Variants in SLC22A25 observed in about 807,000 individuals in gnomAD.
SLC22A25 encodes MGI:2442751, MGI:2385316, MGI:3042283, MGI:3645714, MGI:3605624, MGI:2442750.
Under a neutral mutation model 45.9 loss-of-function variants are expected in SLC22A25, and 44 were observed. The observed-to-expected ratio is 0.96, with a 90% CI of 0.75 to 1.23. SLC22A25 has a LOEUF of 1.23. Ranked by LOEUF, SLC22A25 falls within the 50% of genes most tolerant of loss-of-function variation. SLC22A25 has a pLI of 0.00. For missense variants in SLC22A25, 800 were observed against 666.4 expected (o/e 1.20, Z -2.21); for synonymous variants, 283 against 238.6 (o/e 1.19, Z -1.72).
intron 7 of SLC22A25, among the ~76,000 whole-genome samples, chr11:63,189,632 C>T (rs1046813734): frequency 6.6e-6 from 1 of 152,142 alleles, no homozygotes; most frequent in Non-Finnish European, 1.5e-5. Context: ...GCAGTTTCTT[C>T]CTAGCATCGA....
intron 9 of SLC22A25, among the ~76,000 whole-genome samples, chr11:63,174,925 A>G (rs1426425703): frequency 6.6e-6 from 1 of 152,102 alleles, no homozygotes; most frequent in African/African-American, 2.4e-5. Flanking sequence ...AACTTAGCAT[A>G]ATGTCCTCAA....
Position 63,229,522 on chromosome 11 carries a change from A to G in SLC22A25, c.131T>C (p.Ile44Thr), listed in dbSNP as rs2090029772. 1 of 1,614,132 alleles carries G rather than the reference A, an allele frequency of 6.2e-7. No homozygotes were observed. The highest frequency in any genetic ancestry group is 8.5e-7 in the Non-Finnish European group (1 of 1,179,998). Residue 44 changes from isoleucine (I) to threonine (T), a missense_variant, in exon 4 of 12, where the codon ATA becomes ACA. Transcript: ENST00000306494. ...ATGAACCCAGCAGCGATGATCAAGTATGAATGCTGCGAAGTTCTCCAGCTG... is the reference window on the plus strand; with the variant it reads ...ATGAACCCAGCAGCGATGATCAAGTGTGAATGCTGCGAAGTTCTCCAGCTG... ...QTQLENFAAF[I>T]LDHRCWVHIL...
intron 7 of SLC22A25, among the ~76,000 whole-genome samples, chr11:63,204,648 C>G (rs371510477): frequency 4.1e-4 from 62 of 152,270 alleles, no homozygotes; most frequent in Admixed American, 1.3e-3. Context: ...CAGGAGCACC[C>G]ACATTCATAA....
At chr11:63,240,926 G>T (rs753292825) in intron 1 of SLC22A25, among the ~76,000 whole-genome samples, 1 of 152,120 alleles carries the variant, frequency 6.6e-6, no homozygotes, top group Non-Finnish European at 1.5e-5. Context: ...TTCCAAACAA[G>T]CCAGCACAAA....
At chr11:63,178,043 T>A (rs1226409647) in intron 9 of SLC22A25, among the ~76,000 whole-genome samples, 1 of 87,280 alleles carries the variant, frequency 1.1e-5, no homozygotes. Context: ...GCCTGGCTAA[T>A]TTTTTGTATT....
At chr11:63,232,631 C>A (rs1392760618) in intron 3 of SLC22A25, among the ~76,000 whole-genome samples, 12 of 152,140 alleles carry the variant, frequency 7.9e-5, no homozygotes. Context: ...TTATTCCCTT[C>A]TCCTGCCTGA....
chr11:63,242,798 C>G (rs541547607), intron 1 of SLC22A25, among the ~76,000 whole-genome samples: 16 of 152,292 alleles, frequency 1.1e-4, no homozygotes, highest in Non-Finnish European at 2.1e-4. Context: ...GGCCCCAACC[C>G]AAATAAGGTT....
At chr11:63,187,102 G>A (rs1439373109) in intron 7 of SLC22A25, among the ~76,000 whole-genome samples, 2 of 152,132 alleles carry the variant, frequency 1.3e-5, no homozygotes, top group Non-Finnish European at 2.9e-5. Context: ...GTAGCTTGAT[G>A]GGGATGTCAT....
chr11:63,243,358 C>T, intron 1 of SLC22A25, 76 bp downstream of exon 1: 1 of 597,196 alleles, frequency 1.7e-6, no homozygotes, highest in Non-Finnish European at 3.1e-6. Context: ...TACTCTCAGC[C>T]ACCTGTTAAC....
intron 7 of SLC22A25, among the ~76,000 whole-genome samples, chr11:63,192,535 C>T (rs1184140428): frequency 6.6e-6 from 1 of 152,056 alleles, no homozygotes; most frequent in Non-Finnish European, 1.5e-5. Context: ...TTAAAAGACA[C>T]AGAGTGGAAA....
Position 63,159,932 on chromosome 11 carries a change from T to G in SLC22A25, c.*3892A>C, listed in dbSNP as rs1465246655. On this transcript the variant is annotated 3_prime_UTR_variant, in exon 12 of 12. Transcript: ENST00000306494. ...GCAGCGTTTACTCCTGTCCTAGAGATTTGTGGAACTTTGAACTTGAGTAAG... is the reference window on the plus strand; with the variant it reads ...GCAGCGTTTACTCCTGTCCTAGAGAGTTGTGGAACTTTGAACTTGAGTAAG... Among the ~76,000 whole-genome samples the G allele has an allele frequency of 6.6e-6, 1 of 152,162 alleles. No homozygotes were observed. The highest frequency in any genetic ancestry group is 2.1e-4 in the South Asian group (1 of 4,828).
At chr11:63,188,834 G>GT (rs554504295) in intron 7 of SLC22A25, among the ~76,000 whole-genome samples, 1 of 152,182 alleles carries the variant, frequency 6.6e-6, no homozygotes, top group African/African-American at 2.4e-5. Context: ...AGGTTGTTCA[G>GT]TTTCCATGTA....
intron 7 of SLC22A25, among the ~76,000 whole-genome samples, chr11:63,188,608 T>C (rs2088663117): frequency 6.6e-6 from 1 of 152,212 alleles, no homozygotes; most frequent in Non-Finnish European, 1.5e-5. Context: ...TGTTTGCTCT[T>C]GTTTCTCTAG....
chr11:63,197,195 G>T (rs1289361866), intron 7 of SLC22A25, among the ~76,000 whole-genome samples: 1 of 152,154 alleles, frequency 6.6e-6, no homozygotes, highest in Non-Finnish European at 1.5e-5. Flanking sequence ...GTAATTTATA[G>T]ATTCAATACC....
intron 5 of SLC22A25, among the ~76,000 whole-genome samples, chr11:63,220,880 GTCTT>G (rs1315632485): frequency 2.0e-5 from 3 of 152,108 alleles, no homozygotes; most frequent in Admixed American, 2.0e-4. Context: ...TGTGAAGTTT[GTCTT>G]TCTTTTACTG....
rs149838596 is a variant in SLC22A25 at position 63,227,773 on chromosome 11, C to T, written c.506+688G>A. 8.3e-3 allele frequency among the ~76,000 whole-genome samples: 1,260 copies of T among 152,298 alleles called. 14 individuals are homozygous for T. Among genetic ancestry groups the T allele is most frequent in the African/African-American group, 0.028 (1,174 of 41,552 alleles). ...CACAGTCTTTCAAGTTTGTTTAGGA[C>T]GAGAGCACTTTAGCCTGTGATGGCA... On this transcript the variant is annotated intron_variant, in intron 5 of 11. Transcript: ENST00000306494.
At chr11:63,169,014 C>G (rs978965068) in intron 9 of SLC22A25, among the ~76,000 whole-genome samples, 2 of 152,116 alleles carry the variant, frequency 1.3e-5, no homozygotes, top group African/African-American at 4.8e-5. Context: ...TGCCAATATT[C>G]AACATTCTTA....
chr11:63,213,145 G>A (rs1276867999), intron 7 of SLC22A25, among the ~76,000 whole-genome samples: 2 of 152,288 alleles, frequency 1.3e-5, no homozygotes, highest in East Asian at 3.9e-4. Context: ...GGAATTTCTA[G>A]GTGTGGCAGG....
intron 8 of SLC22A25, 56 bp downstream of exon 8, chr11:63,183,638 A>G: frequency 6.2e-7 from 1 of 1,607,844 alleles, no homozygotes; most frequent in Admixed American, 1.7e-5. Flanking sequence ...ACCAACAAGT[A>G]TAGATGACAA....
Sources: allele counts gnomAD v4.1 joint callset (sites outside exome capture counted in the v4.1 genomes callset), GRCh38; gene constraint gnomAD v4.1.1; transcripts MANE v1.5; gene names NCBI Gene and HGNC (gene_info 2026-07-23, HGNC 2026-07-21).